MEAK7: variants seen among roughly 807,000 people sequenced by gnomAD.
The protein encoded by MEAK7 is MTOR associated protein MEAK7.
In MEAK7, 68 loss-of-function variants were observed where a neutral mutation model predicts 40.5. That is an observed-to-expected ratio of 1.68 (90% CI 1.38 to 2.06). The LOEUF (loss-of-function observed/expected upper bound fraction) is 2.06. MEAK7 is among the 30% of genes most tolerant of loss of function. MEAK7 has a pLI of 0.00. For missense variants in MEAK7, 918 were observed against 580.5 expected (o/e 1.58, Z -5.98); for synonymous variants, 338 against 231.9 (o/e 1.46, Z -4.16).
chr16:84,492,626 G>C (rs1293229974), intron 3 of MEAK7, among the ~76,000 whole-genome samples: 2 of 140,440 alleles, frequency 1.4e-5, no homozygotes, highest in African/African-American at 5.0e-5. Context: ...CTGTCACCCA[G>C]GCTAGAGTGC....
chr16:84,486,510 G>A lies in MEAK7; in HGVS notation c.958+121C>T, dbSNP rs564838918. The A allele has an allele frequency of 1.2e-4, 182 of 1,458,470 alleles. No individual in the cohort carries two copies. In the African/African-American group the frequency reaches 1.3e-3, roughly 10 times the overall value. 90.3% of individuals were successfully genotyped at this position (1,458,470 alleles called of 1,614,324 possible). ...CACATTTTCCTATCGCCCCGACTGC[G>A]TCTAGAGAAACACTTGGAGAAGATG... On this transcript the variant is annotated intron_variant, in intron 5 of 7. Transcript: ENST00000343629.
chr16:84,504,531 C>T, intron 1 of MEAK7, 70 bp downstream of exon 1: 1 of 941,256 alleles, frequency 1.1e-6, no homozygotes, highest in Non-Finnish European at 1.3e-6. Flanking sequence ...CCCGTCTGCT[C>T]CAGTCCCCCG....
At chr16:84,484,846 G>GGGT (rs1912892562) in intron 5 of MEAK7, among the ~76,000 whole-genome samples, 1 of 152,188 alleles carries the variant, frequency 6.6e-6, no homozygotes, top group South Asian at 2.1e-4. Flanking sequence ...GTATGGACAC[G>GGGT]TACTGCAACA....
intron 2 of MEAK7, chr16:84,497,446 C>G: frequency 7.8e-7 from 1 of 1,289,434 alleles, no homozygotes; most frequent in Non-Finnish European, 1.0e-6. Flanking sequence ...GTGCACCTGA[C>G]ACGTCATGGT....
chr16:84,502,731 T>A (rs1309181914), intron 1 of MEAK7: 1 of 152,010 alleles, frequency 6.6e-6, no homozygotes, highest in Non-Finnish European at 1.5e-5. Context: ...CTCAGCCGGG[T>A]GTGGTGGCGT....
chr16:84,484,561 T>C (rs774193746), intron 5 of MEAK7, among the ~76,000 whole-genome samples: 12 of 152,194 alleles, frequency 7.9e-5, no homozygotes, highest in Non-Finnish European at 1.6e-4. Context: ...TCTTCTTTCC[T>C]CAAGCAAAAA....
intron 1 of MEAK7, chr16:84,504,207 C>G (rs1009787683): frequency 5.6e-5 from 54 of 961,708 alleles, no homozygotes; most frequent in South Asian, 9.6e-5. Flanking sequence ...TCCACACACA[C>G]TTCAGTGTCT....
intron 3 of MEAK7, among the ~76,000 whole-genome samples, chr16:84,494,287 A>G (rs945541893): frequency 2.6e-5 from 4 of 152,210 alleles, no homozygotes; most frequent in African/African-American, 9.6e-5. Context: ...AAATGTTTCA[A>G]AATAAACCAT....
In MEAK7 at chr16:84,482,655, G is replaced by C. The variant is rs774206575; in HGVS notation, c.1014C>G (p.His338Gln). The part of the protein sequence containing the change: ...SICPSMAVYT[H>Q]TGYNDHYMYL... ...ACATGTAGTGGTCGTTGTAGCCCGT[G>C]TGTGTGTACACAGCCATGCTGGGGC... The change falls in exon 6 of 8, where the codon CAC (histidine) becomes CAG (glutamine). Residue 338 changes from histidine (H) to glutamine (Q), a missense_variant. Physicochemically the swap from His to Gln is conservative, Grantham distance 24. Coordinates refer to ENST00000343629, the MANE Select transcript of MEAK7 (RefSeq NM_020947.4). 7.4e-6 allele frequency: 12 copies of C among 1,614,122 alleles called. No homozygotes were observed. The South Asian group carries it at 1.1e-4, about 15-fold the overall frequency.
chr16:84,494,911 G>C, intron 3 of MEAK7: 1 of 428,942 alleles, frequency 2.3e-6, no homozygotes. Context: ...GCTAAAAGCT[G>C]AGTCTTGCAA....
intron 5 of MEAK7, chr16:84,486,054 G>C (rs891860151): frequency 2.0e-5 from 3 of 151,636 alleles, no homozygotes; most frequent in African/African-American, 7.3e-5. Flanking sequence ...TCAAACTCCT[G>C]GGTTCAAGTG....
At chr16:84,498,216 CA>C in intron 1 of MEAK7, 105 bp from the exon 2 acceptor site, 1 of 1,323,666 alleles carries the variant, frequency 7.6e-7, no homozygotes. Flanking sequence ...GATATAGCCA[CA>C]AAATGTAGCT....
intron 5 of MEAK7, among the ~76,000 whole-genome samples, chr16:84,484,293 C>T (rs551578563): frequency 5.3e-5 from 8 of 152,322 alleles, no homozygotes; most frequent in East Asian, 3.9e-4. Flanking sequence ...ACACCAACAA[C>T]GAGGACTCCT....
rs1017102208 is a variant in MEAK7, at chr16:84,478,401, G to C, written c.*1512C>G. The C allele has an allele frequency of 6.6e-6, 1 of 152,240 alleles. No homozygotes were observed. Among genetic ancestry groups the C allele is most frequent in the South Asian group, 2.1e-4 (1 of 4,834 alleles). The allele number at this position is 152,240 out of a possible 1,614,324, so 9.4% of individuals were successfully genotyped here. ...GCTATTGCTAAGTGGAAGGTTTGAT[G>C]AACCTCCCAGTAGAAAATGCAAGGC... On this transcript the variant is annotated 3_prime_UTR_variant, in exon 8 of 8. Transcript: ENST00000343629.
intron 3 of MEAK7, among the ~76,000 whole-genome samples, chr16:84,493,781 C>T (rs1913821937): frequency 6.6e-6 from 1 of 152,160 alleles, no homozygotes. Flanking sequence ...AAGGCTTTGA[C>T]TGGAACAGCA....
At chr16:84,484,737 T>A (rs1465220939) in intron 5 of MEAK7, among the ~76,000 whole-genome samples, 2 of 152,184 alleles carry the variant, frequency 1.3e-5, no homozygotes, top group Non-Finnish European at 2.9e-5. Context: ...AGGTCATTAT[T>A]TCCAGGACAA....
At chr16:84,503,607 T>C (rs984466659) in intron 1 of MEAK7, among the ~76,000 whole-genome samples, 1 of 152,176 alleles carries the variant, frequency 6.6e-6, no homozygotes, top group Admixed American at 6.5e-5. Context: ...GAAGATTAAA[T>C]AAGGTAACCC....
chr16:84,489,353 C>A lies in MEAK7; in HGVS notation c.454G>T (p.Gly152Trp), dbSNP rs773721867. The A allele has an allele frequency of 6.2e-7, 1 of 1,614,204 alleles. No homozygotes were observed. The highest frequency in any genetic ancestry group is 8.5e-7 in the Non-Finnish European group (1 of 1,180,038). The part of the protein sequence containing the change: ...SHRQELRGWT[G>W]KEAPGPNPRV... ...GGGTTGGGCCCTGGGGCTTCCTTCC[C>A]AGTCCAGCCTCTCAGCTCCTGTCTG... Residue 152 changes from glycine (G) to tryptophan (W), a missense_variant, in exon 4 of 8, where the codon GGG becomes TGG. Coordinates refer to ENST00000343629, the MANE Select transcript of MEAK7 (RefSeq NM_020947.4).
In MEAK7 at chr16:84,486,621, C is replaced by G. The variant is rs776391242; in HGVS notation, c.958+10G>C. On this transcript the variant is annotated intron_variant, in intron 5 of 7. Transcript: ENST00000343629. Reference sequence around the variant, plus strand: ...TGCCACTCGTCAAGGTTCAGGACACCAAGTCTTACCTTGAAACTGAGGCTT... The same window carrying G: ...TGCCACTCGTCAAGGTTCAGGACACGAAGTCTTACCTTGAAACTGAGGCTT... 6.3e-7 allele frequency: 1 copy of G among 1,591,370 alleles called. No individual in the cohort carries two copies. Among genetic ancestry groups the G allele is most frequent in the Non-Finnish European group, 8.6e-7 (1 of 1,169,072 alleles).
Sources: gnomAD v4.1 joint callset for allele counts (sites outside exome capture counted in the v4.1 genomes callset) on GRCh38, gnomAD v4.1.1 for gene constraint, MANE v1.5 for transcripts, NCBI Gene and HGNC (gene_info 2026-07-23, HGNC 2026-07-21) for gene names.